Variants in FNIP1 observed in about 807,000 individuals in gnomAD.
FNIP1 encodes folliculin-interacting protein 1.
A neutral mutation model predicts 124.5 loss-of-function variants in FNIP1; 40 were observed. The ratio of observed to expected loss-of-function variants is 0.32; its 90% CI spans 0.25 to 0.42. The LOEUF is 0.42. FNIP1 is among the 10% of genes least tolerant of loss of function. The pLI is 1.00. For synonymous variants in FNIP1, 472 were observed against 470.6 expected (o/e 1.00, Z -0.04); for missense variants, 1,176 against 1,403.7 (o/e 0.84, Z 2.59).
At chr5:131,661,483 A>G (rs1767434894) in intron 15 of FNIP1, among the ~76,000 whole-genome samples, 1 of 152,112 alleles carries the variant, frequency 6.6e-6, no homozygotes, top group Non-Finnish European at 1.5e-5. Flanking sequence ...CACACTAGAA[A>G]AAGATTGAGC....
chr5:131,706,618 A>C (rs544505873), intron 8 of FNIP1, 72 bp from the exon 9 acceptor site: 1 of 1,362,656 alleles, frequency 7.3e-7, no homozygotes, highest in Admixed American at 2.7e-5. Context: ...TTTTTAACAA[A>C]ATTACAAATA....
At chr5:131,772,420 C>CA (rs10579529) in intron 1 of FNIP1, among the ~76,000 whole-genome samples, 112 of 144,974 alleles carry the variant, frequency 7.7e-4, no homozygotes, top group East Asian at 4.7e-3. Context: ...AAATTCAAAC[C>CA]AAAAAAAAAA....
chr5:131,706,349 C>A, intron 9 of FNIP1, 62 bp downstream of exon 9: 9 of 1,430,590 alleles, frequency 6.3e-6, no homozygotes, highest in South Asian at 3.3e-5. Flanking sequence ...TCTAAAAAAC[C>A]CATATAAAAT....
chr5:131,696,590 C>A (rs536872378), intron 11 of FNIP1, among the ~76,000 whole-genome samples: 2 of 151,910 alleles, frequency 1.3e-5, no homozygotes, highest in South Asian at 4.2e-4. Flanking sequence ...CTAAATCTAA[C>A]GTTATAGATA....
In FNIP1 at chr5:131,677,790, T is replaced by C. The variant is rs1318794072; in HGVS notation, c.1432A>G (p.Ile478Val). The C allele has an allele frequency of 1.9e-6, 3 of 1,614,122 alleles. No homozygotes were observed. In the East Asian group the frequency reaches 6.7e-5, roughly 36 times the overall value. ...PTVMPNGQPPIKIFLEKHSSQ... is the reference protein window; with the variant it reads ...PTVMPNGQPPVKIFLEKHSSQ... Reference sequence around the variant, plus strand: ...GAATGCTTTTCTAAAAATATTTTTATAGGTGGTTGTCCATTTGGCATGACT... The same window carrying C: ...GAATGCTTTTCTAAAAATATTTTTACAGGTGGTTGTCCATTTGGCATGACT... Residue 478 changes from isoleucine (I) to valine (V), a missense_variant, in exon 13 of 18, where the codon ATA becomes GTA. Ile to Val is a conservative substitution (Grantham distance 29). Transcript: ENST00000510461.
At chr5:131,673,022 G>T in intron 13 of FNIP1, 98 bp from the exon 14 acceptor site, 6 of 812,744 alleles carry the variant, frequency 7.4e-6, no homozygotes, top group Non-Finnish European at 9.2e-6. Context: ...TACTGTATGA[G>T]TAATAGTTTA....
At chr5:131,715,588 AT>A (rs1769440357) in intron 6 of FNIP1, among the ~76,000 whole-genome samples, 1 of 152,152 alleles carries the variant, frequency 6.6e-6, no homozygotes, top group Admixed American at 6.5e-5. Context: ...AGATTTCGTT[AT>A]TTCTTTGTCA....
chr5:131,687,972 T>C (rs902232882), intron 11 of FNIP1, among the ~76,000 whole-genome samples: 1 of 152,114 alleles, frequency 6.6e-6, no homozygotes, highest in Non-Finnish European at 1.5e-5. Flanking sequence ...ATAAAACTAT[T>C]TTACCAGAGC....
chr5:131,713,201 G>A (rs1019840528), intron 6 of FNIP1, among the ~76,000 whole-genome samples: 4 of 152,044 alleles, frequency 2.6e-5, no homozygotes, highest in Admixed American at 6.5e-5. Flanking sequence ...CCGCCACCAC[G>A]CCCGGCTAAT....
intron 1 of FNIP1, among the ~76,000 whole-genome samples, chr5:131,785,076 TG>T (rs1462826279): frequency 7.4e-5 from 1 of 13,476 alleles, no homozygotes; most frequent in African/African-American, 2.0e-4. Context: ...ATGATATATA[TG>T]ACATATATAT....
At chr5:131,660,757 C>T (rs1767404316) in intron 15 of FNIP1, among the ~76,000 whole-genome samples, 1 of 152,280 alleles carries the variant, frequency 6.6e-6, no homozygotes, top group African/African-American at 2.4e-5. Flanking sequence ...TTTGGGGGCT[C>T]ATCTGGGATC....
At chr5:131,767,511 A>G in intron 1 of FNIP1, among the ~76,000 whole-genome samples, 1 of 151,280 alleles carries the variant, frequency 6.6e-6, no homozygotes. Flanking sequence ...ATCATTTTGT[A>G]CCAGTTTCTA....
At chr5:131,685,279 G>C (rs773068635) in intron 11 of FNIP1, among the ~76,000 whole-genome samples, 5 of 151,836 alleles carry the variant, frequency 3.3e-5, no homozygotes, top group Non-Finnish European at 5.9e-5. Context: ...GCTATCCTCT[G>C]CCACTGCACT....
chr5:131,649,470 GTCTAT>G (rs1766983392), intron 16 of FNIP1, among the ~76,000 whole-genome samples: 1 of 152,034 alleles, frequency 6.6e-6, no homozygotes, highest in Non-Finnish European at 1.5e-5. Context: ...TTGGCAAAAC[GTCTAT>G]TCAAGTCCTT....
At chr5:131,662,871 C>G (rs1273044609) in intron 15 of FNIP1, among the ~76,000 whole-genome samples, 1 of 151,290 alleles carries the variant, frequency 6.6e-6, no homozygotes, top group Admixed American at 6.6e-5. Context: ...TCCTGAGTAG[C>G]TGGGATTACA....
intron 12 of FNIP1, among the ~76,000 whole-genome samples, chr5:131,678,784 C>A (rs1292364219): frequency 6.6e-6 from 1 of 152,070 alleles, no homozygotes; most frequent in South Asian, 2.1e-4. Context: ...AAATGGGCAG[C>A]CTCAGATAAT....
chr5:131,688,737 G>A (rs1050837838), intron 11 of FNIP1, among the ~76,000 whole-genome samples: 2 of 146,502 alleles, frequency 1.4e-5, no homozygotes, highest in Non-Finnish European at 3.0e-5. Flanking sequence ...AATGAAGAAT[G>A]CTTTTGATGG....
chr5:131,766,726 T>G (rs1005086534), intron 1 of FNIP1, among the ~76,000 whole-genome samples: 1 of 152,142 alleles, frequency 6.6e-6, no homozygotes, highest in African/African-American at 2.4e-5. Context: ...AATGGTGTAA[T>G]TCTCAGTCTG....
chr5:131,780,449 C>T (rs1451142726), intron 1 of FNIP1, among the ~76,000 whole-genome samples: 1 of 152,090 alleles, frequency 6.6e-6, no homozygotes, highest in South Asian at 2.1e-4. Flanking sequence ...TTGCACTTTG[C>T]AGATACCACT....
Sources: allele counts gnomAD v4.1 joint callset (sites outside exome capture counted in the v4.1 genomes callset), GRCh38; gene constraint gnomAD v4.1.1; transcripts MANE v1.5; gene names NCBI Gene and HGNC (gene_info 2026-07-23, HGNC 2026-07-21).